The following HK2 variants were observed in gnomAD, a reference collection of about 807,000 sequenced individuals.
The protein encoded by HK2 is hexokinase 2, also known as hexokinase-2.
Under a neutral mutation model 92.9 loss-of-function variants are expected in HK2, and 42 were observed. The observed-to-expected ratio is 0.45, with a 90% CI of 0.35 to 0.58. The LOEUF (loss-of-function observed/expected upper bound fraction) is 0.58, where lower values mean the gene tolerates loss of function less well. HK2 is among the 20% of genes least tolerant of loss of function. HK2 has a pLI of 0.00. For missense variants in HK2, 978 were observed against 1,245.1 expected (o/e 0.79, Z 3.23); for synonymous variants, 422 against 468.0 (o/e 0.90, Z 1.27).
chr2:74,882,411 G>A, intron 12 of HK2, 172 bp downstream of exon 12: 2 of 321,946 alleles, frequency 6.2e-6, no homozygotes, highest in Non-Finnish European at 8.9e-6. Flanking sequence ...GGCTGGTGGA[G>A]GTTAAGTAGG....
At chr2:74,838,787 C>T (rs1247450626) in intron 1 of HK2, among the ~76,000 whole-genome samples, 3 of 152,150 alleles carry the variant, frequency 2.0e-5, no homozygotes, top group Non-Finnish European at 4.4e-5. Flanking sequence ...ATCTGCCTGA[C>T]TCCGCCTCCC....
intron 1 of HK2, among the ~76,000 whole-genome samples, chr2:74,839,606 A>C (rs1414618049): frequency 1.3e-5 from 2 of 151,848 alleles, no homozygotes; most frequent in Non-Finnish European, 2.9e-5. Context: ...GCTAAGAAGC[A>C]CTTTTTCCTC....
intron 2 of HK2, among the ~76,000 whole-genome samples, chr2:74,861,314 G>A (rs948945390): frequency 2.0e-5 from 3 of 152,086 alleles, no homozygotes; most frequent in African/African-American, 7.2e-5. Flanking sequence ...CCAGCTACTG[G>A]GGGGCTGAGA....
intron 17 of HK2, 23 bp downstream of exon 17, chr2:74,889,501 C>A: frequency 7.1e-7 from 1 of 1,398,642 alleles, no homozygotes; most frequent in Non-Finnish European, 1.0e-6. Context: ...TCCCAGCCCC[C>A]CCTGCCTACC....
chr2:74,850,079 A>G (rs1048977221), intron 1 of HK2, among the ~76,000 whole-genome samples: 1 of 152,242 alleles, frequency 6.6e-6, no homozygotes, highest in Admixed American at 6.5e-5. Context: ...ACTCTCAAAG[A>G]TTCCAGGCAG....
intron 9 of HK2, 65 bp downstream of exon 9, chr2:74,878,986 C>A: frequency 7.7e-7 from 1 of 1,306,152 alleles, no homozygotes; most frequent in Non-Finnish European, 1.1e-6. Flanking sequence ...AGTGACTCCT[C>A]ATGCCAGCTC....
intron 16 of HK2, among the ~76,000 whole-genome samples, chr2:74,888,283 T>G (rs1282490855): frequency 6.6e-6 from 1 of 152,266 alleles, no homozygotes; most frequent in Admixed American, 6.5e-5. Context: ...TGGCCTGAGG[T>G]CATGCAAAGT....
At position 74,893,213 on chromosome 2, in the gene HK2, G is replaced by C. The variant is rs1043892743; in HGVS notation, c.*2272G>C. ...TAAATACAGTGGATCTCAATCTTCG[G>C]GGTGTGATGAATAGCGAATCATCTC... On this transcript the variant is annotated 3_prime_UTR_variant, in exon 18 of 18. Coordinates refer to ENST00000290573, the MANE Select transcript of HK2 (RefSeq NM_000189.5). 3.3e-5 allele frequency: 5 copies of C among 152,042 alleles called. No individual in the cohort carries two copies. The highest frequency in any genetic ancestry group is 9.7e-5 in the African/African-American group (4 of 41,378). 9.4% of individuals were successfully genotyped at this position (152,042 alleles called of 1,614,324 possible).
chr2:74,834,722 C>A lies in HK2; in HGVS notation c.63+79C>A, dbSNP rs999660599. 3.4e-6 allele frequency: 5 copies of A among 1,486,322 alleles called. No homozygotes were observed. The East Asian group carries it at 6.8e-5, about 20-fold the overall frequency. 92.1% of individuals were successfully genotyped at this position (1,486,322 alleles called of 1,614,324 possible). On this transcript the variant is annotated intron_variant, in intron 1 of 17. Coordinates refer to ENST00000290573, the MANE Select transcript of HK2 (RefSeq NM_000189.5). This position sits in a 1 kb window ranked among gnomAD's most constrained non-coding sequence, Gnocchi z 4.2. ...TCCATCAGTCTCTTCCTCGACCCTG[C>A]GGGGACCCGCTTCCTCCCTACTCCG...
intron 2 of HK2, among the ~76,000 whole-genome samples, chr2:74,858,945 C>T (rs953678803): frequency 6.6e-6 from 1 of 152,162 alleles, no homozygotes; most frequent in Non-Finnish European, 1.5e-5. Flanking sequence ...GGTTGTGTGG[C>T]CTACACAGTG....
Position 74,834,455 on chromosome 2 carries a change from G to C in HK2, c.-126G>C, listed in dbSNP as rs1031878160. 1.1e-6 allele frequency: 1 copy of C among 920,910 alleles called. No individual in the cohort carries two copies. Among genetic ancestry groups the C allele is most frequent in the Non-Finnish European group, 1.7e-6 (1 of 572,894 alleles). The allele number at this position is 920,910 out of a possible 1,614,324, so 57.0% of individuals were successfully genotyped here. A position where few individuals can be genotyped will look rare whatever the true frequency, so the allele number is the denominator to read the frequency against. On this transcript the variant is annotated 5_prime_UTR_variant, in exon 1 of 18. Coordinates refer to ENST00000290573, the MANE Select transcript of HK2 (RefSeq NM_000189.5). This position sits in a 1 kb window ranked among gnomAD's most constrained non-coding sequence, Gnocchi z 4.2. Reference sequence around the variant, plus strand: ...TCGCCGGTAGCCTTCTTTGTGCGCCGTCCGGACTCCCAGCTCCCGGCCCGG... The same window carrying C: ...TCGCCGGTAGCCTTCTTTGTGCGCCCTCCGGACTCCCAGCTCCCGGCCCGG...
At chr2:74,858,140 T>C (rs151245895) in intron 2 of HK2, among the ~76,000 whole-genome samples, 1 of 152,326 alleles carries the variant, frequency 6.6e-6, no homozygotes, top group African/African-American at 2.4e-5. Context: ...TGCATATAAA[T>C]ATTTATATGA....
intron 8 of HK2, among the ~76,000 whole-genome samples, chr2:74,877,770 A>G (rs1442412149): frequency 6.6e-6 from 1 of 152,188 alleles, no homozygotes; most frequent in Non-Finnish European, 1.5e-5. Context: ...TAGCTACCCA[A>G]TTAATTCTAA....
chr2:74,873,969 C>T (rs1394009834), intron 6 of HK2, 26 bp downstream of exon 6: 63 of 1,546,494 alleles, frequency 4.1e-5, no homozygotes, highest in Non-Finnish European at 5.5e-5. Context: ...GCATGAAGGG[C>T]CCGTGCTGGC....
intron 1 of HK2, among the ~76,000 whole-genome samples, chr2:74,844,440 G>T (rs967510705): frequency 1.3e-5 from 2 of 152,210 alleles, no homozygotes; most frequent in Non-Finnish European, 2.9e-5. Flanking sequence ...TTTTGAAAAT[G>T]GAGGAAAGCA....
At chr2:74,873,713 G>C (rs1689154342) in intron 5 of HK2, 131 bp from the exon 6 acceptor site, 2 of 708,430 alleles carry the variant, frequency 2.8e-6, no homozygotes, top group Middle Eastern at 3.3e-4. Context: ...TATCACAGGA[G>C]GAGTTATGGG....
At chr2:74,875,355 GTCTC>G (rs1157194933) in intron 7 of HK2, among the ~76,000 whole-genome samples, 1 of 124,948 alleles carries the variant, frequency 8.0e-6, no homozygotes, top group Non-Finnish European at 1.6e-5. Context: ...TTGAGACAGA[GTCTC>G]TCTCTGTTGC....
intron 1 of HK2, among the ~76,000 whole-genome samples, chr2:74,848,207 C>G (rs1277725538): frequency 6.6e-6 from 1 of 152,126 alleles, no homozygotes; most frequent in Non-Finnish European, 1.5e-5. Context: ...CATGGGCTGC[C>G]TTGTATTGTG....
chr2:74,851,737 T>G (rs1688574659), intron 1 of HK2, among the ~76,000 whole-genome samples: 1 of 151,988 alleles, frequency 6.6e-6, no homozygotes, highest in South Asian at 2.1e-4. Context: ...GAGGTGAGAG[T>G]GTCTTTGTCA....
Sources: gnomAD v4.1 joint callset for allele counts (sites outside exome capture counted in the v4.1 genomes callset) on GRCh38, gnomAD v4.1.1 for gene constraint, Gnocchi (gnomAD v3.1) non-coding constraint, MANE v1.5 for transcripts, NCBI Gene and HGNC (gene_info 2026-07-23, HGNC 2026-07-21) for gene names.